The following NMU variants were observed in gnomAD, a reference collection of about 807,000 sequenced individuals.
NMU encodes neuromedin-U.
Under a neutral mutation model 35.4 loss-of-function variants are expected in NMU, and 29 were observed. The observed-to-expected ratio is 0.82, with a 90% CI of 0.61 to 1.12. NMU has a LOEUF of 1.12. Ranked by LOEUF, NMU falls within the 50% of genes most tolerant of loss-of-function variation. NMU has a pLI of 0.00. For missense variants in NMU, 199 were observed against 206.2 expected (o/e 0.97, Z 0.21); for synonymous variants, 78 against 81.3 (o/e 0.96, Z 0.22).
At position 55,605,308 on chromosome 4, in the gene NMU, C is replaced by A; in HGVS notation, c.402G>T (p.Leu134=). ...TGAATCTCTTCATTCTTCTCTCATG[C>A]AGGTGAGGAACGAGCTGCAGCAACG... is the stretch of plus-strand genomic sequence containing the variant. The part of the protein sequence containing the change: ...VHPLLQLVPH[L]HERRMKRFRV... Residue 134 remains leucine, a synonymous_variant, in exon 7 of 10, where the codon CTG becomes CTT. Transcript: ENST00000264218. 6.2e-7 allele frequency: 1 copy of A among 1,613,694 alleles called. No homozygotes were observed. Among genetic ancestry groups the A allele is most frequent in the Non-Finnish European group, 8.5e-7 (1 of 1,179,576 alleles).
In NMU at chr4:55,636,151, T is replaced by C. The variant is rs1577970008; in HGVS notation, c.42A>G (p.Gly14=). The change falls in exon 1 of 10, where the codon GGA becomes GGG. Residue 14 remains glycine (G), a synonymous_variant. Transcript: ENST00000264218. The surrounding 1 kb of genome is among the most constrained non-coding windows in gnomAD (Gnocchi z 4.0). ...GGAGCGGGGACGCCGCGGCCACCTG[T>C]CCGGCGGGCGACCTGGGGCGGCAGC... ...TESCRPRSPA[G]QVAAASPLLL... is the part of the protein sequence containing the mutation. 2.0e-6 allele frequency: 3 copies of C among 1,516,798 alleles called. No homozygotes were observed. In the East Asian group the frequency reaches 7.6e-5, roughly 38 times the overall value. 94.0% of individuals were successfully genotyped at this position (1,516,798 alleles called of 1,614,324 possible). A position where few individuals can be genotyped will look rare whatever the true frequency, so the allele number is the denominator to read the frequency against.
chr4:55,602,928 T>C (rs1733482567), intron 7 of NMU, among the ~76,000 whole-genome samples: 1 of 152,206 alleles, frequency 6.6e-6, no homozygotes, highest in African/African-American at 2.4e-5. Flanking sequence ...AAACTTTGGG[T>C]AGCACTTTAA....
chr4:55,603,903 G>T (rs1401072454), intron 7 of NMU, among the ~76,000 whole-genome samples: 1 of 71,360 alleles, frequency 1.4e-5, no homozygotes, highest in Non-Finnish European at 2.7e-5. Flanking sequence ...CAGAGCAAGA[G>T]TCCGTCTCAA....
chr4:55,635,213 GGCACCT>G (rs1715849375), intron 1 of NMU, among the ~76,000 whole-genome samples: 1 of 152,136 alleles, frequency 6.6e-6, no homozygotes, highest in Non-Finnish European at 1.5e-5. Context: ...GTCCCCATAA[GGCACCT>G]GCAAACGTAA....
intron 6 of NMU, among the ~76,000 whole-genome samples, chr4:55,606,370 C>T (rs568007086): frequency 1.2e-4 from 18 of 152,302 alleles, no homozygotes; most frequent in Non-Finnish European, 1.6e-4. Context: ...AAAACTACCG[C>T]TAATACTACA....
At chr4:55,600,415 A>C in intron 8 of NMU, 107 bp downstream of exon 8, 1 of 764,546 alleles carries the variant, frequency 1.3e-6, no homozygotes, top group Non-Finnish European at 2.3e-6. Flanking sequence ...GATGCCAAAC[A>C]TCTATAAACT....
chr4:55,598,483 C>A (rs1399080744), intron 9 of NMU, among the ~76,000 whole-genome samples: 3 of 152,092 alleles, frequency 2.0e-5, no homozygotes, highest in African/African-American at 2.4e-5. Context: ...TATGAATCTG[C>A]ATTTGGGTTT....
At chr4:55,635,435 C>T (rs1004500964) in intron 1 of NMU, among the ~76,000 whole-genome samples, 2 of 152,190 alleles carry the variant, frequency 1.3e-5, no homozygotes, top group Non-Finnish European at 2.9e-5. Flanking sequence ...GAAAGCCTGG[C>T]TTGCACACTT....
chr4:55,627,653 T>G (rs767761535), intron 2 of NMU, among the ~76,000 whole-genome samples: 6 of 152,194 alleles, frequency 3.9e-5, no homozygotes, highest in Non-Finnish European at 7.3e-5. Flanking sequence ...ACTACAATAT[T>G]TTAAACTGTA....
intron 3 of NMU, among the ~76,000 whole-genome samples, chr4:55,612,146 A>C (rs2110196569): frequency 1.3e-5 from 2 of 152,366 alleles, no homozygotes; most frequent in South Asian, 4.1e-4. Context: ...GGCTGAATAC[A>C]CAGGTCACCC....
intron 2 of NMU, among the ~76,000 whole-genome samples, chr4:55,629,593 T>C (rs903129172): frequency 7.9e-6 from 1 of 126,968 alleles, no homozygotes; most frequent in Admixed American, 9.6e-5. Flanking sequence ...CACTCCAGCA[T>C]GGTGACAGCA....
chr4:55,615,354 G>C lies in NMU; in HGVS notation c.219+984C>G, dbSNP rs565914117. ...GTTCTTGCTCTGGTCAGCTGTTCTT[G>C]CTTGGTCTCTGCCCTGTGGCTGAGA... On this transcript the variant is annotated intron_variant, in intron 3 of 9. Coordinates refer to ENST00000264218, the MANE Select transcript of NMU (RefSeq NM_006681.4). 1.9e-4 allele frequency among the ~76,000 whole-genome samples: 29 copies of C among 152,322 alleles called. No individual in the cohort carries two copies. In the South Asian group the frequency reaches 3.7e-3, roughly 20 times the overall value.
chr4:55,626,350 G>T (rs1430455297), intron 2 of NMU, among the ~76,000 whole-genome samples: 2 of 152,054 alleles, frequency 1.3e-5, no homozygotes, highest in Non-Finnish European at 2.9e-5. Context: ...CAATTGATTT[G>T]GTGTAGTTTC....
chr4:55,600,791 T>C (rs1488522188), intron 7 of NMU, among the ~76,000 whole-genome samples: 1 of 152,156 alleles, frequency 6.6e-6, no homozygotes, highest in Non-Finnish European at 1.5e-5. Flanking sequence ...AATTTCCTTG[T>C]CAGTGTGACA....
chr4:55,636,528 A>C, upstream of NMU: 3 of 248,802 alleles, frequency 1.2e-5, no homozygotes, highest in Non-Finnish European at 1.5e-5. This position sits in a 1 kb window ranked among gnomAD's most constrained non-coding sequence, Gnocchi z 4.0. Context: ...GAATTTAAAT[A>C]ATGCACCATT....
intron 2 of NMU, among the ~76,000 whole-genome samples, chr4:55,625,766 T>C (rs1734501230): frequency 6.6e-6 from 1 of 152,018 alleles, no homozygotes; most frequent in African/African-American, 2.4e-5. Context: ...TTTGTGTGCA[T>C]GTATATTTCC....
chr4:55,619,887 ACCCC>A lies in NMU; in HGVS notation c.172-3506_172-3503del, dbSNP rs1325694052. Among the ~76,000 whole-genome samples the A allele has an allele frequency of 3.8e-3, 482 of 127,294 alleles. 7 individuals are homozygous for A. Among genetic ancestry groups the A allele is most frequent in the Non-Finnish European group, 5.4e-3 (313 of 57,628 alleles). 83.5% of individuals were successfully genotyped at this position (127,294 alleles called of 152,430 possible). ...CCCCCGAGCAGCCTAACTGGGAGGC[ACCCC>A]CCAGCAGGGGCACACTGACACCTCA... On this transcript the variant is annotated intron_variant, in intron 2 of 9. Transcript: ENST00000264218.
chr4:55,613,908 C>G (rs76222800), intron 3 of NMU, among the ~76,000 whole-genome samples: 23 of 152,230 alleles, frequency 1.5e-4, no homozygotes, highest in South Asian at 1.0e-3. Flanking sequence ...AACCCAGCCA[C>G]AGAAGTAAGC....
chr4:55,624,178 T>G (rs1330934524), intron 2 of NMU, among the ~76,000 whole-genome samples: 1 of 147,090 alleles, frequency 6.8e-6, no homozygotes, highest in Non-Finnish European at 1.5e-5. Context: ...GGGATCTAAT[T>G]AAACTAAAGA....
Sources: allele counts gnomAD v4.1 joint callset (sites outside exome capture counted in the v4.1 genomes callset), GRCh38; gene constraint gnomAD v4.1.1; non-coding constraint Gnocchi (gnomAD v3.1); transcripts MANE v1.5; gene names NCBI Gene and HGNC (gene_info 2026-07-23, HGNC 2026-07-21).